CNOT10: variants seen among roughly 807,000 people sequenced by gnomAD.
The protein encoded by CNOT10 is CCR4-NOT transcription complex, subunit 10.
A neutral mutation model predicts 94.6 loss-of-function variants in CNOT10; 30 were observed. That is an observed-to-expected ratio of 0.32 (90% CI 0.24 to 0.43). The LOEUF is 0.43. Ranked by LOEUF, CNOT10 falls within the 20% of genes least tolerant of loss-of-function variation. The pLI is 1.00. For missense variants in CNOT10, 759 were observed against 877.2 expected (o/e 0.87, Z 1.70); for synonymous variants, 289 against 301.6 (o/e 0.96, Z 0.43).
chr3:32,737,304 A>C (rs1485867528), intron 12 of CNOT10, 106 bp from the exon 13 acceptor site: 5 of 697,682 alleles, frequency 7.2e-6, no homozygotes, highest in Non-Finnish European at 1.2e-5. Context: ...GACGAGCAAA[A>C]CTCTGTCTCA....
intron 1 of CNOT10, among the ~76,000 whole-genome samples, chr3:32,700,177 T>C (rs1426628115): frequency 2.6e-5 from 4 of 152,072 alleles, no homozygotes; most frequent in African/African-American, 9.7e-5. Flanking sequence ...GGTTTTACCA[T>C]GTTGTCCAGG....
At chr3:32,713,461 A>G in intron 5 of CNOT10, 92 bp downstream of exon 5, 7 of 992,650 alleles carry the variant, frequency 7.1e-6, no homozygotes, top group Non-Finnish European at 1.0e-5. Context: ...AGCAATTAAA[A>G]TATGATTAAT....
At position 32,709,949 on chromosome 3, in the gene CNOT10, C is replaced by T. The variant is rs536388847; in HGVS notation, c.430+1129C>T. Among the ~76,000 whole-genome samples, 44 of 152,086 alleles carry T rather than the reference C, an allele frequency of 2.9e-4. 1 individual carries two copies. Among genetic ancestry groups the T allele is most frequent in the Middle Eastern group, 6.8e-3 (2 of 294 alleles). On this transcript the variant is annotated intron_variant, in intron 4 of 18. Coordinates refer to ENST00000328834, the MANE Select transcript of CNOT10 (RefSeq NM_015442.3). ...ATCATCTGAGGTCAGGAGTTGGAGA[C>T]CAGCCTGATCAACATGGGGAAACCC...
rs1356981147 is a variant in CNOT10, at chr3:32,694,779, G to A, written c.23-9089G>A. On this transcript the variant is annotated intron_variant, in intron 1 of 18. Transcript: ENST00000328834. ...TAATTTTTGTATTTTTAGTAGAGAT[G>A]GGGGTTTCACCATGTTGGTCGGAAT... Among the ~76,000 whole-genome samples the A allele has an allele frequency of 8.5e-4, 129 of 151,938 alleles. 2 individuals are homozygous for A. Among genetic ancestry groups the A allele is most frequent in the Non-Finnish European group, 4.4e-5 (3 of 67,968 alleles).
At chr3:32,732,637 C>T (rs1346566814) in intron 10 of CNOT10, among the ~76,000 whole-genome samples, 1 of 151,726 alleles carries the variant, frequency 6.6e-6, no homozygotes, top group Non-Finnish European at 1.5e-5. Flanking sequence ...AGGGGGGTCT[C>T]ACTATGTTGC....
chr3:32,703,972 G>T lies in CNOT10; in HGVS notation c.117+10G>T, dbSNP rs751867812. The T allele has an allele frequency of 1.3e-6, 2 of 1,571,896 alleles. No individual in the cohort carries two copies. The highest frequency in any genetic ancestry group is 3.3e-5 in the Admixed American group (2 of 59,860). On this transcript the variant is annotated intron_variant, in intron 2 of 18. Coordinates refer to ENST00000328834, the MANE Select transcript of CNOT10 (RefSeq NM_015442.3). ...TTTCCAAGCTTTCACAGTAAGAAAT[G>T]GCTTCTCTTAGTCTGCTCAAGTTGT...
chr3:32,736,267 A>C (rs1306101898), intron 12 of CNOT10, among the ~76,000 whole-genome samples: 1 of 151,994 alleles, frequency 6.6e-6, no homozygotes, highest in Non-Finnish European at 1.5e-5. Context: ...TTGTATTTTT[A>C]GTAGAGATAG....
intron 13 of CNOT10, among the ~76,000 whole-genome samples, chr3:32,747,975 A>T (rs1390782737): frequency 6.6e-6 from 1 of 151,682 alleles, no homozygotes; most frequent in Non-Finnish European, 1.5e-5. Context: ...AAAAAAAAAG[A>T]CTGCAGGCAT....
chr3:32,758,055 TG>T (rs1700293582), intron 13 of CNOT10, among the ~76,000 whole-genome samples: 1 of 152,224 alleles, frequency 6.6e-6, no homozygotes, highest in South Asian at 2.1e-4. Context: ...TTGTGTTTTT[TG>T]TAAGTGGTCT....
At chr3:32,730,441 C>T (rs963003880) in intron 10 of CNOT10, among the ~76,000 whole-genome samples, 1 of 151,854 alleles carries the variant, frequency 6.6e-6, no homozygotes, top group African/African-American at 2.4e-5. Flanking sequence ...AGATGACTTT[C>T]GGTTGCCATA....
At chr3:32,762,660 C>A in intron 14 of CNOT10, 73 bp from the exon 15 acceptor site, 2 of 1,423,908 alleles carry the variant, frequency 1.4e-6, no homozygotes, top group Non-Finnish European at 1.9e-6. Context: ...ACATAATATA[C>A]CCAGCATTAT....
rs1313115224 is a variant in CNOT10, at chr3:32,727,684, A to C, written c.1029A>C (p.Gly343=). 1.2e-6 allele frequency: 2 copies of C among 1,612,452 alleles called. No individual in the cohort carries two copies. Among genetic ancestry groups the C allele is most frequent in the East Asian group, 4.5e-5 (2 of 44,880 alleles). Residue 343 remains glycine, a synonymous_variant, in exon 10 of 19, where the codon GGA becomes GGC. Transcript: ENST00000328834. ...TATCACTAGGTAAAAAATTTTCAGG[A>C]AGACCCATGTGTACGTTACTAACCA... ...GSTDPGKKFS[G]RPMCTLLTNK...
intron 7 of CNOT10, among the ~76,000 whole-genome samples, chr3:32,718,533 G>A (rs1226786552): frequency 2.3e-5 from 3 of 131,328 alleles, no homozygotes; most frequent in Middle Eastern, 5.0e-3. Context: ...GCTGTGAGCC[G>A]AGACCGCGCC....
intron 17 of CNOT10, among the ~76,000 whole-genome samples, chr3:32,768,583 C>CA (rs34174567): frequency 0.14 from 19,940 of 146,808 alleles, 1,448 homozygotes; most frequent in South Asian, 0.19. Flanking sequence ...AACTCCGTCT[C>CA]AAAAAAAAAA....
Position 32,734,830 on chromosome 3 carries a change from C to G in CNOT10, c.1368C>G (p.Ala456=), listed in dbSNP as rs779659317. 1.7e-5 allele frequency: 28 copies of G among 1,612,762 alleles called. No individual in the cohort carries two copies. Among genetic ancestry groups the G allele is most frequent in the Non-Finnish European group, 2.2e-5 (26 of 1,179,290 alleles). Residue 456 remains alanine (A), a synonymous_variant, in exon 12 of 19, where the codon GCC becomes GCG. Transcript: ENST00000328834. ...NDGQSSAIPV[A]SMEFAAICLR... ...GGCAGTCTTCGGCCATTCCTGTAGC[C>G]AGTATGGAGTTTGCAGCCATATGTC...
At chr3:32,718,989 G>A (rs1203931514) in intron 7 of CNOT10, among the ~76,000 whole-genome samples, 2 of 152,254 alleles carry the variant, frequency 1.3e-5, no homozygotes, top group South Asian at 2.1e-4. Flanking sequence ...GGTGGCTCAC[G>A]CCTGTAATCC....
At chr3:32,746,547 T>C (rs1308515883) in intron 13 of CNOT10, among the ~76,000 whole-genome samples, 1 of 152,044 alleles carries the variant, frequency 6.6e-6, no homozygotes, top group African/African-American at 2.4e-5. Context: ...CGATAAGATA[T>C]GCACTCCTGC....
At chr3:32,727,143 C>G (rs1290042416) in intron 9 of CNOT10, among the ~76,000 whole-genome samples, 1 of 151,770 alleles carries the variant, frequency 6.6e-6, no homozygotes, top group African/African-American at 2.4e-5. Flanking sequence ...CTGTGCCCAG[C>G]TGAAAATTTT....
At chr3:32,748,158 A>G (rs554055897) in intron 13 of CNOT10, among the ~76,000 whole-genome samples, 21 of 152,266 alleles carry the variant, frequency 1.4e-4, no homozygotes, top group Admixed American at 3.3e-4. Flanking sequence ...GCAGTTGGCT[A>G]TGGCTCTAAT....
Sources: allele counts gnomAD v4.1 joint callset (sites outside exome capture counted in the v4.1 genomes callset), GRCh38; gene constraint gnomAD v4.1.1; transcripts MANE v1.5; gene names NCBI Gene and HGNC (gene_info 2026-07-23, HGNC 2026-07-21).